Variants in ADAMTSL1 observed in about 807,000 individuals in gnomAD.
ADAMTSL1 encodes the protein ADAMTS like 1, also known as ADAMTS-like protein 1.
Under a neutral mutation model 201.8 loss-of-function variants are expected in ADAMTSL1, and 126 were observed. The observed-to-expected ratio is 0.62, with a 90% CI of 0.54 to 0.72. The LOEUF (loss-of-function observed/expected upper bound fraction) is 0.72. Among genes scored for constraint, ADAMTSL1 ranks in the 30% least tolerant of loss-of-function variants. ADAMTSL1 has a pLI of 0.00. For missense variants in ADAMTSL1, 2,679 were observed against 2,277.8 expected, an observed-to-expected ratio of 1.18 and a Z score of -3.59; for synonymous variants, 1,121 against 903.4, an observed-to-expected ratio of 1.24 and a Z score of -4.32.
In ADAMTSL1 at chr9:17,921,738, G is replaced by GT. The variant is rs569010761; in HGVS notation, c.87+14816_87+14817insT. On this transcript the variant is annotated intron_variant, in intron 1 of 29. Coordinates refer to the ADAMTSL1 transcript ENST00000680146. ...CCCAGGGTCTAGTTCTGGATTTAGT[G>GT]ACCCTTTCTGCAAGTACAAATGTCA... 2.5e-3 allele frequency among the ~76,000 whole-genome samples: 382 copies of GT among 152,224 alleles called. 2 individuals are homozygous for GT. Among genetic ancestry groups the GT allele is most frequent in the African/African-American group, 8.9e-3 (368 of 41,546 alleles).
intron 1 of ADAMTSL1, among the ~76,000 whole-genome samples, chr9:18,498,394 T>C (rs1385623455): frequency 6.6e-6 from 1 of 150,684 alleles, no homozygotes; most frequent in Non-Finnish European, 1.5e-5. Flanking sequence ...TGGAGTGCAT[T>C]GGCCCGATCT....
intron 13 of ADAMTSL1, among the ~76,000 whole-genome samples, chr9:18,688,658 T>TAAAAAA (rs1270730704): frequency 1.5e-4 from 1 of 6,590 alleles, no homozygotes; most frequent in Non-Finnish European, 3.2e-4. Flanking sequence ...ACAGAGCATT[T>TAAAAAA]CAAAAAAAAA....
chr9:18,381,709 G>T (rs1159468419), intron 2 of ADAMTSL1, among the ~76,000 whole-genome samples: 2 of 152,102 alleles, frequency 1.3e-5, no homozygotes, highest in Non-Finnish European at 2.9e-5. Flanking sequence ...TACTGGCTCT[G>T]TAAAGAAGCA....
chr9:17,944,196 A>G (rs1827358827), intron 1 of ADAMTSL1, among the ~76,000 whole-genome samples: 1 of 152,184 alleles, frequency 6.6e-6, no homozygotes, highest in Non-Finnish European at 1.5e-5. Flanking sequence ...CCAAATCATG[A>G]GTGAACTCCC....
chr9:18,361,347 C>T (rs1235241114), intron 2 of ADAMTSL1, among the ~76,000 whole-genome samples: 1 of 152,124 alleles, frequency 6.6e-6, no homozygotes, highest in Non-Finnish European at 1.5e-5. Context: ...TGATGTATTT[C>T]TTTTTAGTGT....
chr9:18,354,856 AG>A (rs1362371855), intron 2 of ADAMTSL1, among the ~76,000 whole-genome samples: 1 of 152,160 alleles, frequency 6.6e-6, no homozygotes, highest in African/African-American at 2.4e-5. Context: ...CTGTAGTCCC[AG>A]GTACTTGGGA....
At chr9:18,801,882 C>T (rs1001487909) in intron 20 of ADAMTSL1, among the ~76,000 whole-genome samples, 1 of 152,064 alleles carries the variant, frequency 6.6e-6, no homozygotes, top group African/African-American at 2.4e-5. Context: ...TGGGTATATA[C>T]CTAATAATGG....
chr9:18,607,981 C>G (rs991203610), intron 4 of ADAMTSL1, among the ~76,000 whole-genome samples: 1 of 151,990 alleles, frequency 6.6e-6, no homozygotes, highest in Non-Finnish European at 1.5e-5. Flanking sequence ...CTATCATTGT[C>G]GGACATAAAC....
intron 2 of ADAMTSL1, among the ~76,000 whole-genome samples, chr9:18,317,600 T>C (rs1834456348): frequency 6.6e-6 from 1 of 152,206 alleles, no homozygotes; most frequent in African/African-American, 2.4e-5. Flanking sequence ...CCTTCAGGTA[T>C]TTCTCATGTG....
At chr9:18,505,532 T>C (rs1389611792) in intron 2 of ADAMTSL1, among the ~76,000 whole-genome samples, 1 of 152,126 alleles carries the variant, frequency 6.6e-6, no homozygotes, top group African/African-American at 2.4e-5. Context: ...AAGGTAGACA[T>C]GGGGGTGGCT....
At chr9:18,547,019 C>T (rs763890259) in intron 3 of ADAMTSL1, among the ~76,000 whole-genome samples, 4 of 152,086 alleles carry the variant, frequency 2.6e-5, no homozygotes, top group Non-Finnish European at 2.9e-5. Flanking sequence ...CTATTCTGTA[C>T]AATTCTAATT....
At chr9:18,726,377 G>A (rs2133453661) in intron 15 of ADAMTSL1, among the ~76,000 whole-genome samples, 1 of 152,020 alleles carries the variant, frequency 6.6e-6, no homozygotes, top group African/African-American at 2.4e-5. Context: ...TGTTGGTTGA[G>A]GGGGGTGCCT....
chr9:18,183,774 T>G lies in ADAMTSL1; in HGVS notation c.207+19793T>G, dbSNP rs1828606998. On this transcript the variant is annotated intron_variant, in intron 2 of 29. Transcript: ENST00000680146. The stretch of plus-strand genomic sequence containing the variant: ...TTATGTAAAAAAGAATAAACCAGTC[T>G]TTATTTACAGGTTGGATGACATTGG... 2.0e-5 allele frequency among the ~76,000 whole-genome samples: 3 copies of G among 152,202 alleles called. No individual in the cohort carries two copies. In the South Asian group the frequency reaches 6.2e-4, roughly 32 times the overall value.
chr9:18,655,271 G>A (rs907948225), intron 7 of ADAMTSL1, among the ~76,000 whole-genome samples: 18 of 152,232 alleles, frequency 1.2e-4, no homozygotes, highest in East Asian at 5.8e-4. Flanking sequence ...CATTTCTATG[G>A]CCCTCCAGCT....
chr9:18,542,770 A>C (rs1255857459), intron 3 of ADAMTSL1, among the ~76,000 whole-genome samples: 1 of 152,186 alleles, frequency 6.6e-6, no homozygotes, highest in Non-Finnish European at 1.5e-5. Context: ...ACCTTTCTTC[A>C]ACTTCCTCCT....
rs577431333 is a variant in ADAMTSL1, at chr9:18,229,497, C to G, written c.207+65516C>G. ...TTAGGTTAACGTAAGGAAGAACTTT[C>G]TATAAAAAAACTCTTCTCTAAAGAA... is the stretch of plus-strand genomic sequence containing the variant. On this transcript the variant is annotated intron_variant, in intron 2 of 29. Transcript: ENST00000680146. Among the ~76,000 whole-genome samples the G allele has an allele frequency of 2.8e-5, 4 of 142,382 alleles. No homozygotes were observed. In the South Asian group the frequency reaches 6.8e-4, roughly 24 times the overall value. 93.4% of individuals were successfully genotyped at this position (142,382 alleles called of 152,430 possible). A position where few individuals can be genotyped will look rare whatever the true frequency, so the allele number is the denominator to read the frequency against.
At chr9:18,143,738 T>C (rs977616825) in intron 1 of ADAMTSL1, among the ~76,000 whole-genome samples, 1 of 152,184 alleles carries the variant, frequency 6.6e-6, no homozygotes, top group Admixed American at 6.5e-5. Context: ...CTGGCAATAA[T>C]GAAGGGCTGA....
chr9:18,836,170 TG>T (rs1392869182), intron 23 of ADAMTSL1, among the ~76,000 whole-genome samples: 1 of 152,172 alleles, frequency 6.6e-6, no homozygotes, highest in African/African-American at 2.4e-5. Context: ...CAGCATCTGT[TG>T]TTTTTTGATG....
chr9:18,546,403 C>G (rs916976138), intron 3 of ADAMTSL1, among the ~76,000 whole-genome samples: 4 of 152,080 alleles, frequency 2.6e-5, no homozygotes, highest in African/African-American at 9.7e-5. Context: ...CCTCAAACTC[C>G]TGGACTCAAG....
Sources: allele counts gnomAD v4.1 joint callset (sites outside exome capture counted in the v4.1 genomes callset), GRCh38; gene constraint gnomAD v4.1.1; transcripts MANE v1.5; gene names NCBI Gene and HGNC (gene_info 2026-07-23, HGNC 2026-07-21).